The following EXOC6B variants were observed in gnomAD, a reference collection of about 807,000 sequenced individuals.
The protein encoded by EXOC6B is exocyst complex component 6B.
Under a neutral mutation model 113.5 loss-of-function variants are expected in EXOC6B, and 54 were observed. The ratio of observed to expected loss-of-function variants is 0.48; its 90% CI spans 0.38 to 0.60. EXOC6B has a LOEUF of 0.60. Ranked by LOEUF, EXOC6B falls within the 20% of genes least tolerant of loss-of-function variation. The pLI is 0.00. For missense variants in EXOC6B, 797 were observed against 977.5 expected (o/e 0.82, Z 2.46); for synonymous variants, 357 against 339.0 (o/e 1.05, Z -0.58).
At chr2:72,199,801 C>T (rs1679383012) in intron 20 of EXOC6B, among the ~76,000 whole-genome samples, 1 of 152,162 alleles carries the variant, frequency 6.6e-6, no homozygotes, top group African/African-American at 2.4e-5. Flanking sequence ...TAGTTTGTTC[C>T]ATATTATCTG....
intron 6 of EXOC6B, among the ~76,000 whole-genome samples, chr2:72,600,997 T>C (rs1046320701): frequency 2.6e-5 from 4 of 152,032 alleles, no homozygotes; most frequent in African/African-American, 4.8e-5. Flanking sequence ...ATCAAAGATA[T>C]ACAGATAGCA....
chr2:72,722,779 C>T (rs377647280), intron 5 of EXOC6B, among the ~76,000 whole-genome samples: 8 of 152,242 alleles, frequency 5.3e-5, no homozygotes, highest in Admixed American at 4.6e-4. Context: ...AAGATAAACA[C>T]ACTTTGGGGT....
At chr2:72,593,239 A>G (rs997590709) in intron 6 of EXOC6B, among the ~76,000 whole-genome samples, 18 of 152,140 alleles carry the variant, frequency 1.2e-4, no homozygotes, top group Admixed American at 1.0e-3. Context: ...TATGTTTATT[A>G]GTAAGTAAAG....
intron 18 of EXOC6B, among the ~76,000 whole-genome samples, chr2:72,454,838 T>C (rs546905678): frequency 1.3e-5 from 2 of 152,276 alleles, no homozygotes; most frequent in South Asian, 4.1e-4. Context: ...CACACAAAGA[T>C]ATTTCTGAAG....
intron 20 of EXOC6B, among the ~76,000 whole-genome samples, chr2:72,190,127 C>T (rs1678735594): frequency 6.6e-6 from 1 of 151,316 alleles, no homozygotes; most frequent in African/African-American, 2.4e-5. Context: ...AACTCCTGGG[C>T]TCAAGTAATC....
intron 20 of EXOC6B, among the ~76,000 whole-genome samples, chr2:72,334,613 G>T (rs1206739389): frequency 6.6e-6 from 1 of 152,146 alleles, no homozygotes; most frequent in East Asian, 1.9e-4. Context: ...CACCTGCTTA[G>T]CATTGGTTTG....
At chr2:72,419,580 C>A (rs959642679) in intron 18 of EXOC6B, among the ~76,000 whole-genome samples, 1 of 152,092 alleles carries the variant, frequency 6.6e-6, no homozygotes, top group Non-Finnish European at 1.5e-5. Flanking sequence ...ATATAGAATT[C>A]TTGGTTCACA....
chr2:72,796,561 T>C (rs1329531968), intron 1 of EXOC6B, among the ~76,000 whole-genome samples: 2 of 152,076 alleles, frequency 1.3e-5, no homozygotes. Flanking sequence ...ATTTTATTCA[T>C]CTTTCTATCC....
intron 8 of EXOC6B, among the ~76,000 whole-genome samples, chr2:72,547,528 TATGG>T (rs1702976935): frequency 6.6e-6 from 1 of 152,174 alleles, no homozygotes; most frequent in Admixed American, 6.5e-5. Context: ...AAACTAAGCT[TATGG>T]ATACATTTAT....
intron 13 of EXOC6B, 61 bp downstream of exon 13, chr2:72,498,393 T>C (rs1700147683): frequency 5.2e-6 from 6 of 1,161,876 alleles, no homozygotes; most frequent in Non-Finnish European, 6.2e-6. Flanking sequence ...TGCGCATAAA[T>C]ACATGTGTGT....
chr2:72,700,204 T>C (rs1296463399), intron 6 of EXOC6B, among the ~76,000 whole-genome samples: 1 of 149,850 alleles, frequency 6.7e-6, no homozygotes, highest in African/African-American at 2.5e-5. Flanking sequence ...TTTGGAGGGA[T>C]GGCTGCATCC....
chr2:72,406,656 G>A (rs943651216), intron 18 of EXOC6B, among the ~76,000 whole-genome samples: 3 of 152,120 alleles, frequency 2.0e-5, no homozygotes, highest in Non-Finnish European at 1.5e-5. Flanking sequence ...TGAAACCAAC[G>A]AAAACAAAGA....
rs75107716 is a variant in EXOC6B, at chr2:72,345,740, A to T, written c.2123-10720T>A. Among the ~76,000 whole-genome samples, 744 of 152,298 alleles carry T rather than the reference A, an allele frequency of 4.9e-3. 8 individuals are homozygous for T. The highest frequency in any genetic ancestry group is 0.017 in the African/African-American group (691 of 41,570). ...GGACAAGGAAACTATTCTCTATAAA[A>T]TTACAATGGCAGATTCATGTTACTA... On this transcript the variant is annotated intron_variant, in intron 19 of 21. Transcript: ENST00000272427.
At chr2:72,305,385 A>C (rs202137735) in intron 20 of EXOC6B, among the ~76,000 whole-genome samples, 2 of 111,788 alleles carry the variant, frequency 1.8e-5, no homozygotes, top group Non-Finnish European at 4.3e-5. Context: ...TATGTATATG[A>C]ATGAGATTTT....
chr2:72,483,678 A>T (rs1042162867), intron 16 of EXOC6B, among the ~76,000 whole-genome samples: 1 of 152,222 alleles, frequency 6.6e-6, no homozygotes, highest in African/African-American at 2.4e-5. Flanking sequence ...TTGTCTGTTA[A>T]CGAGGACTAA....
intron 19 of EXOC6B, among the ~76,000 whole-genome samples, chr2:72,344,504 G>A (rs1689208399): frequency 6.6e-6 from 1 of 151,128 alleles, no homozygotes; most frequent in African/African-American, 2.4e-5. Flanking sequence ...TGTATTCCTT[G>A]CGATTTTTAA....
intron 19 of EXOC6B, among the ~76,000 whole-genome samples, chr2:72,358,399 C>T (rs1690098032): frequency 6.6e-6 from 1 of 152,052 alleles, no homozygotes; most frequent in African/African-American, 2.4e-5. Flanking sequence ...AAGACCAAGA[C>T]CATAGCTAGT....
chr2:72,422,513 C>G (rs28884534), intron 18 of EXOC6B, among the ~76,000 whole-genome samples: 1 of 148,690 alleles, frequency 6.7e-6, no homozygotes, highest in African/African-American at 2.5e-5. Flanking sequence ...GTGCACCAAT[C>G]GACACTCTGT....
rs143399109 is a variant in EXOC6B at position 72,814,073 on chromosome 2, T to C, written c.113+11725A>G. ...GTCAGTATGCCACTACACAATATCA[T>C]AGTACCAAAAGATATGCGTGAGTCA... On this transcript the variant is annotated intron_variant, in intron 1 of 21. Transcript: ENST00000272427. 7.3e-3 allele frequency among the ~76,000 whole-genome samples: 1,106 copies of C among 152,256 alleles called. 74 individuals carry two copies. The highest frequency in any genetic ancestry group is 0.063 in the Admixed American group (956 of 15,288).
Sources: allele counts gnomAD v4.1 joint callset (sites outside exome capture counted in the v4.1 genomes callset), GRCh38; gene constraint gnomAD v4.1.1; transcripts MANE v1.5; gene names NCBI Gene and HGNC (gene_info 2026-07-23, HGNC 2026-07-21).